Variants in PRKCB observed in about 807,000 individuals in gnomAD.
PRKCB encodes the protein protein kinase C beta.
In PRKCB, 13 loss-of-function variants were observed where a neutral mutation model predicts 81.5. The observed-to-expected ratio is 0.16, with a 90% CI of 0.10 to 0.25. The LOEUF is 0.25. PRKCB is among the 10% of genes least tolerant of loss of function. The pLI is 1.00. For missense variants in PRKCB, 509 were observed against 875.7 expected, an observed-to-expected ratio of 0.58 and a Z score of 5.29; for synonymous variants, 335 against 321.4, an observed-to-expected ratio of 1.04 and a Z score of -0.45.
chr16:23,927,840 G>A (rs1424455017), intron 2 of PRKCB, among the ~76,000 whole-genome samples: 2 of 151,980 alleles, frequency 1.3e-5, no homozygotes, highest in African/African-American at 2.4e-5. Flanking sequence ...AGGGAAGGCT[G>A]TCTCCCTTTT....
At chr16:23,945,385 T>G (rs1426150673) in intron 2 of PRKCB, among the ~76,000 whole-genome samples, 1 of 152,220 alleles carries the variant, frequency 6.6e-6, no homozygotes, top group African/African-American at 2.4e-5. Flanking sequence ...GGATGTCTTT[T>G]TAATTTCCTT....
chr16:24,174,366 G>C, intron 11 of PRKCB, 152 bp from the exon 12 acceptor site: 1 of 671,446 alleles, frequency 1.5e-6, no homozygotes, highest in Non-Finnish European at 2.5e-6. Flanking sequence ...GAATCCATCT[G>C]TACTTTCAGC....
chr16:24,094,324 A>G, intron 7 of PRKCB, 27 bp downstream of exon 7: 2 of 1,612,356 alleles, frequency 1.2e-6, no homozygotes, highest in Non-Finnish European at 1.7e-6. Flanking sequence ...CTTGAAAGCT[A>G]CCATACAGCT....
intron 2 of PRKCB, among the ~76,000 whole-genome samples, chr16:23,986,053 C>G (rs998192594): frequency 6.6e-6 from 1 of 151,962 alleles, no homozygotes; most frequent in Non-Finnish European, 1.5e-5. Context: ...ACATCAGATT[C>G]CAAGAAATTA....
chr16:23,927,639 G>A (rs547860699), intron 2 of PRKCB, among the ~76,000 whole-genome samples: 1 of 152,056 alleles, frequency 6.6e-6, no homozygotes, highest in Non-Finnish European at 1.5e-5. Flanking sequence ...CTGAGTGGTG[G>A]TGAGGAAGGA....
intron 2 of PRKCB, among the ~76,000 whole-genome samples, chr16:23,851,478 T>C (rs757341380): frequency 3.9e-5 from 6 of 152,244 alleles, no homozygotes; most frequent in Non-Finnish European, 7.3e-5. Context: ...CTGTTTTGAT[T>C]ACAATTGCTT....
At chr16:24,189,691 C>T (rs1231262731) in intron 15 of PRKCB, among the ~76,000 whole-genome samples, 4 of 150,688 alleles carry the variant, frequency 2.7e-5, no homozygotes, top group Non-Finnish European at 5.9e-5. Context: ...TGTAAGTGCT[C>T]AGTTAATTTC....
intron 5 of PRKCB, among the ~76,000 whole-genome samples, chr16:24,076,666 G>T (rs192415350): frequency 6.6e-6 from 1 of 152,272 alleles, no homozygotes; most frequent in African/African-American, 2.4e-5. Context: ...AAACCTCAAC[G>T]TATTACCTTG....
At chr16:23,929,069 T>C (rs1462023224) in intron 2 of PRKCB, among the ~76,000 whole-genome samples, 1 of 151,920 alleles carries the variant, frequency 6.6e-6, no homozygotes, top group Non-Finnish European at 1.5e-5. Flanking sequence ...AGTTTTGTAA[T>C]GGAGTTTTGG....
intron 2 of PRKCB, among the ~76,000 whole-genome samples, chr16:23,975,540 CT>C (rs1247675958): frequency 6.6e-6 from 1 of 152,158 alleles, no homozygotes; most frequent in Non-Finnish European, 1.5e-5. Context: ...CCTGTCAAAC[CT>C]CATAGTTCCT....
rs1159121217 is a variant in PRKCB, at chr16:23,882,021, T to TCTTCCTTCCTTCCTTCCTTC, written c.205+44632_205+44651dup. Among the ~76,000 whole-genome samples the TCTTCCTTCCTTCCTTCCTTC allele has an allele frequency of 5.2e-4, 29 of 55,634 alleles. 1 individual carries two copies. Among genetic ancestry groups the TCTTCCTTCCTTCCTTCCTTC allele is most frequent in the East Asian group, 1.5e-3 (2 of 1,316 alleles). 36.5% of individuals were successfully genotyped at this position (55,634 alleles called of 152,430 possible). A position where few individuals can be genotyped will look rare whatever the true frequency, so the allele number is the denominator to read the frequency against. On this transcript the variant is annotated intron_variant, in intron 2 of 16. Coordinates refer to ENST00000643927, the MANE Select transcript of PRKCB (RefSeq NM_002738.7). The stretch of plus-strand genomic sequence containing the variant: ...TTCTTTCTTTCTTTCTTTCTTTCTT[T>TCTTCCTTCCTTCCTTCCTTC]CTTCCTTCCTTCCTTCCTTCCTTCC...
At chr16:24,195,666 G>T (rs1352891006) in intron 16 of PRKCB, among the ~76,000 whole-genome samples, 1 of 152,168 alleles carries the variant, frequency 6.6e-6, no homozygotes, top group Non-Finnish European at 1.5e-5. Flanking sequence ...GTGTATTGTT[G>T]CAGGGAACAA....
At chr16:23,875,110 C>T (rs967680685) in intron 2 of PRKCB, among the ~76,000 whole-genome samples, 17 of 149,048 alleles carry the variant, frequency 1.1e-4, no homozygotes, top group Admixed American at 2.7e-4. Context: ...GATCAGGACT[C>T]AATGCAACCT....
intron 16 of PRKCB, among the ~76,000 whole-genome samples, chr16:24,210,249 C>T (rs1483372582): frequency 1.3e-5 from 2 of 152,154 alleles, no homozygotes; most frequent in African/African-American, 4.8e-5. Flanking sequence ...CCTGCTCTGG[C>T]TCGTGGCCCG....
At chr16:24,008,216 G>C (rs545871787) in intron 3 of PRKCB, among the ~76,000 whole-genome samples, 1 of 152,188 alleles carries the variant, frequency 6.6e-6, no homozygotes, top group Non-Finnish European at 1.5e-5. Flanking sequence ...CCTCTGGCCC[G>C]TGGGGCTATG....
At chr16:24,202,172 A>G (rs1596596848) in intron 16 of PRKCB, among the ~76,000 whole-genome samples, 1 of 131,210 alleles carries the variant, frequency 7.6e-6, no homozygotes. Flanking sequence ...TAAACCTGCT[A>G]TGTCTTTTTC....
At chr16:24,105,950 G>C (rs1220110152) in intron 7 of PRKCB, among the ~76,000 whole-genome samples, 1 of 151,260 alleles carries the variant, frequency 6.6e-6, no homozygotes. Context: ...TTCTTATGGT[G>C]TTTCTAAAGT....
At chr16:23,963,646 G>A (rs1964452862) in intron 2 of PRKCB, 1 of 152,126 alleles carries the variant, frequency 6.6e-6, no homozygotes, top group South Asian at 2.1e-4. Context: ...ATGTCACTAG[G>A]GTGCCGAGGT....
chr16:24,075,633 T>A (rs1567365626), intron 5 of PRKCB, among the ~76,000 whole-genome samples: 1 of 152,220 alleles, frequency 6.6e-6, no homozygotes, highest in East Asian at 1.9e-4. Flanking sequence ...AAGCCTATGA[T>A]TCTAATGTCA....
Sources: allele counts gnomAD v4.1 joint callset (sites outside exome capture counted in the v4.1 genomes callset), GRCh38; gene constraint gnomAD v4.1.1; transcripts MANE v1.5; gene names NCBI Gene and HGNC (gene_info 2026-07-23, HGNC 2026-07-21).